Variants in MBOAT2 observed in about 807,000 individuals in gnomAD.
MBOAT2 encodes the protein membrane bound glycerophospholipid O-acyltransferase 2.
In MBOAT2, 28 loss-of-function variants were observed where a neutral mutation model predicts 63.4. That is an observed-to-expected ratio of 0.44 (90% CI 0.33 to 0.61). The LOEUF is 0.61. Ranked by LOEUF, MBOAT2 falls within the 20% of genes least tolerant of loss-of-function variation. MBOAT2 has a pLI of 0.03. For synonymous variants in MBOAT2, 211 were observed against 215.6 expected (o/e 0.98, Z 0.19); for missense variants, 470 against 605.8 (o/e 0.78, Z 2.35).
intron 1 of MBOAT2, among the ~76,000 whole-genome samples, chr2:8,963,365 A>G (rs542585022): frequency 2.6e-5 from 4 of 152,224 alleles, no homozygotes; most frequent in Admixed American, 6.5e-5. Context: ...GTGCAGTGGC[A>G]CGATCTCAGC....
rs1443009858 is a variant in MBOAT2 at position 9,003,624 on chromosome 2, TCGGCGCTCCGGCCGCCCG to T, written c.-28_-11del. On this transcript the variant is annotated 5_prime_UTR_variant, in exon 1 of 13. Transcript: ENST00000305997. This position sits in a 1 kb window ranked among gnomAD's most constrained non-coding sequence, Gnocchi z 5.4. Reference sequence around the variant, plus strand: ...TGCTGGTGGTGGCCATGGCCGGGCCTCGGCGCTCCGGCCGCCCGCGCCGCTCGCCCGCTCGCGCTGTGC... The same window carrying T: ...TGCTGGTGGTGGCCATGGCCGGGCCTCGCCGCTCGCCCGCTCGCGCTGTGC... The T allele has an allele frequency of 7.7e-6, 9 of 1,170,564 alleles. No homozygotes were observed. The highest frequency in any genetic ancestry group is 9.5e-6 in the Non-Finnish European group (9 of 950,198). 72.5% of individuals were successfully genotyped at this position (1,170,564 alleles called of 1,614,324 possible).
intron 1 of MBOAT2, among the ~76,000 whole-genome samples, chr2:8,962,227 G>A (rs1669658302): frequency 6.6e-6 from 1 of 152,046 alleles, no homozygotes; most frequent in African/African-American, 2.4e-5. Context: ...AGTTTAACTA[G>A]TGTAACTCGT....
chr2:8,966,610 T>C (rs1167852895), intron 1 of MBOAT2, among the ~76,000 whole-genome samples: 1 of 152,166 alleles, frequency 6.6e-6, no homozygotes, highest in Non-Finnish European at 1.5e-5. Flanking sequence ...GTAAAGATGA[T>C]AGGGCCCAAA....
intron 4 of MBOAT2, among the ~76,000 whole-genome samples, chr2:8,902,377 A>G (rs1665011467): frequency 6.6e-6 from 1 of 152,214 alleles, no homozygotes; most frequent in Non-Finnish European, 1.5e-5. Flanking sequence ...GTTCTTGGTC[A>G]AGCTGACTTC....
intron 3 of MBOAT2, among the ~76,000 whole-genome samples, chr2:8,933,867 G>A (rs999354690): frequency 4.6e-5 from 7 of 151,572 alleles, no homozygotes; most frequent in Non-Finnish European, 8.8e-5. Context: ...AAAAGCCCTC[G>A]ATCCAAGAAA....
At chr2:8,951,395 G>C (rs906083936) in intron 2 of MBOAT2, among the ~76,000 whole-genome samples, 3 of 152,090 alleles carry the variant, frequency 2.0e-5, no homozygotes, top group African/African-American at 7.2e-5. Flanking sequence ...AGTAGAGATG[G>C]GGTCTTGCCA....
At chr2:8,925,957 G>A (rs866591582) in intron 3 of MBOAT2, among the ~76,000 whole-genome samples, 2 of 152,054 alleles carry the variant, frequency 1.3e-5, no homozygotes, top group African/African-American at 4.8e-5. Flanking sequence ...ACAATCTTAC[G>A]AAGTAAGTGT....
intron 1 of MBOAT2, among the ~76,000 whole-genome samples, chr2:8,967,838 T>A (rs1427424266): frequency 6.6e-6 from 1 of 151,916 alleles, no homozygotes; most frequent in Admixed American, 6.6e-5. Flanking sequence ...TACAACTTCA[T>A]CACATAAATA....
In MBOAT2 at chr2:8,879,686, C is replaced by T. The variant is rs1036505194; in HGVS notation, c.507-2473G>A. ...CCCACCGGACGCCAGTAGCACCACCCGCCTCAGCAGTAACAACCAAAAGTG... is the reference window on the plus strand; with the variant it reads ...CCCACCGGACGCCAGTAGCACCACCTGCCTCAGCAGTAACAACCAAAAGTG... On this transcript the variant is annotated intron_variant, in intron 6 of 12. Coordinates refer to ENST00000305997, the MANE Select transcript of MBOAT2 (RefSeq NM_138799.4). Among the ~76,000 whole-genome samples the T allele has an allele frequency of 5.3e-5, 8 of 152,202 alleles. No homozygotes were observed. The South Asian group carries it at 8.3e-4, about 16-fold the overall frequency.
Position 8,860,696 on chromosome 2 carries a change from T to C in MBOAT2, c.1254A>G (p.Thr418=). Residue 418 remains threonine (T), a synonymous_variant, in exon 12 of 13, where the codon ACA becomes ACG. Transcript: ENST00000305997. ...TTATTGCTACTTGAGTTACTATCCA[T>C]GTTATAACATCATAAAATAATTTCA... The part of the protein sequence containing the change: ...SQLKLFYDVI[T]WIVTQVAISY... 2.5e-6 allele frequency: 4 copies of C among 1,609,122 alleles called. No homozygotes were observed. The highest frequency in any genetic ancestry group is 3.4e-6 in the Non-Finnish European group (4 of 1,176,032).
intron 3 of MBOAT2, among the ~76,000 whole-genome samples, chr2:8,921,735 T>C: frequency 6.6e-6 from 1 of 152,196 alleles, no homozygotes; most frequent in Admixed American, 6.5e-5. Context: ...CCTTCTGGCC[T>C]CCACTGTTCT....
In MBOAT2 at chr2:8,956,205, T is replaced by C. The variant is rs145752036; in HGVS notation, c.221+2292A>G. Among the ~76,000 whole-genome samples the C allele has an allele frequency of 7.2e-3, 1,095 of 152,224 alleles. 11 individuals are homozygous for C. Among genetic ancestry groups the C allele is most frequent in the African/African-American group, 0.025 (1,050 of 41,532 alleles). The stretch of plus-strand genomic sequence containing the variant: ...CCAAAAGGGAAGTTGTCAAAATCAA[T>C]AGCAGATACGATTGCCTTTGAGCCT... On this transcript the variant is annotated intron_variant, in intron 2 of 12. Transcript: ENST00000305997.
chr2:9,000,982 A>T (rs1021488572), intron 1 of MBOAT2, among the ~76,000 whole-genome samples: 5 of 151,316 alleles, frequency 3.3e-5, no homozygotes, highest in African/African-American at 1.2e-4. Flanking sequence ...TTTTTAATTT[A>T]AAAAACGATT....
chr2:8,978,395 T>C (rs1258090024), intron 1 of MBOAT2, among the ~76,000 whole-genome samples: 1 of 152,194 alleles, frequency 6.6e-6, no homozygotes, highest in Non-Finnish European at 1.5e-5. Context: ...TTACTGACTT[T>C]ATGGTATTTT....
rs750132753 is a variant in MBOAT2 at position 8,943,245 on chromosome 2, C to T, written c.241G>A (p.Val81Ile). 8 of 1,581,738 alleles carry T rather than the reference C, an allele frequency of 5.1e-6. No individual in the cohort carries two copies. The African/African-American group carries it at 5.4e-5, about 11-fold the overall frequency. Residue 81 changes from valine (V) to isoleucine (I), a missense_variant, in exon 3 of 13, where the codon GTA becomes ATA. By Grantham distance (29) the Val-to-Ile change is conservative (BLOSUM62 3). Coordinates refer to ENST00000305997, the MANE Select transcript of MBOAT2 (RefSeq NM_138799.4). ...ATACAGTAGGAAATTCCACTTTGTA[C>T]AAGAAAGTGTAAGGCATACCTATAA... ...CFGWYALHFLVQSGISYCIMI... is the reference protein window; with the variant it reads ...CFGWYALHFLIQSGISYCIMI...
At chr2:8,977,784 C>T (rs1243003395) in intron 1 of MBOAT2, among the ~76,000 whole-genome samples, 1 of 152,130 alleles carries the variant, frequency 6.6e-6, no homozygotes, top group South Asian at 2.1e-4. Flanking sequence ...ATTCCCCTCA[C>T]CACCAACTTC....
At chr2:8,899,492 C>T (rs796332716) in intron 4 of MBOAT2, among the ~76,000 whole-genome samples, 33 of 152,266 alleles carry the variant, frequency 2.2e-4, no homozygotes, top group African/African-American at 6.5e-4. Context: ...ATGGTTAAAC[C>T]GTACCTGGGG....
intron 7 of MBOAT2, among the ~76,000 whole-genome samples, chr2:8,874,298 T>C (rs926677847): frequency 6.6e-6 from 1 of 152,234 alleles, no homozygotes; most frequent in Non-Finnish European, 1.5e-5. Context: ...GCAGTTGTTA[T>C]TCTCATTTTC....
rs1254771651 is a variant in MBOAT2, at chr2:8,860,602, G to A, written c.1337+11C>T. The stretch of plus-strand genomic sequence containing the variant: ...TATTCCCACTGACAAAGTTTTAAGA[G>A]TAACACTTACCTGTAAAACGTGAGT... On this transcript the variant is annotated intron_variant, in intron 12 of 12. Coordinates refer to ENST00000305997, the MANE Select transcript of MBOAT2 (RefSeq NM_138799.4). The A allele has an allele frequency of 6.2e-7, 1 of 1,610,122 alleles. No individual in the cohort carries two copies. Among genetic ancestry groups the A allele is most frequent in the African/African-American group, 1.3e-5 (1 of 74,840 alleles).
Sources: gnomAD v4.1 joint callset for allele counts (sites outside exome capture counted in the v4.1 genomes callset) on GRCh38, gnomAD v4.1.1 for gene constraint, Gnocchi (gnomAD v3.1) non-coding constraint, MANE v1.5 for transcripts, NCBI Gene and HGNC (gene_info 2026-07-23, HGNC 2026-07-21) for gene names.